Variants in PPP1R2B observed in about 807,000 individuals in gnomAD.
PPP1R2B encodes PPP1R2 family member B.
In PPP1R2B, 13 loss-of-function variants were observed where a neutral mutation model predicts 17.6. That is an observed-to-expected ratio of 0.74 (90% CI 0.48 to 1.17). PPP1R2B has a LOEUF of 1.17. PPP1R2B is among the 50% of genes most tolerant of loss of function. The pLI, the probability that PPP1R2B is intolerant of heterozygous loss-of-function variation, is 0.00. For synonymous variants in PPP1R2B, 105 were observed against 95.4 expected, an observed-to-expected ratio of 1.10 and a Z score of -0.59; for missense variants, 230 against 252.4, an observed-to-expected ratio of 0.91 and a Z score of 0.60.
In PPP1R2B at chr5:156,850,475, T is replaced by A. The variant is rs1758461718; in HGVS notation, c.-88T>A. 1 of 1,484,876 alleles carries A rather than the reference T, an allele frequency of 6.7e-7. No homozygotes were observed. The highest frequency in any genetic ancestry group is 1.4e-5 in the African/African-American group (1 of 71,064). The allele number at this position is 1,484,876 out of a possible 1,614,324, so 92.0% of individuals were successfully genotyped here. A position where few individuals can be genotyped will look rare whatever the true frequency, so the allele number is the denominator to read the frequency against. On this transcript the variant is annotated 5_prime_UTR_variant, in exon 1 of 1. Transcript: ENST00000522232. ...TTTAGCCCTGAGCGGGCTCTGCGGC[T>A]GCCTGCGAGTCTCTGCTGTGCCGAC... is the stretch of plus-strand genomic sequence containing the variant.
rs776287160 is a variant in PPP1R2B, at chr5:156,850,728, T to C, written c.166T>C (p.Tyr56His). Residue 56 changes from tyrosine to histidine, a missense_variant, in exon 1 of 1, where the codon TAT (tyrosine) becomes CAT (histidine). Coordinates refer to ENST00000522232, the MANE Select transcript of PPP1R2B (RefSeq NM_206858.3). Reference sequence around the variant, plus strand: ...GGATGAAATTAACATCTTGGCGACCTATCATCCAGCAGACAAAGGCTATGG... The same window carrying C: ...GGATGAAATTAACATCTTGGCGACCCATCATCCAGCAGACAAAGGCTATGG... ...KWDEINILATYHPADKGYGLM... is the reference protein window; with the variant it reads ...KWDEINILATHHPADKGYGLM... 1.3e-6 allele frequency: 2 copies of C among 1,541,158 alleles called. No individual in the cohort carries two copies. Among genetic ancestry groups the C allele is most frequent in the East Asian group, 2.2e-5 (1 of 44,496 alleles).
rs777548214 is a variant in PPP1R2B, at chr5:156,850,577, G to A, written c.15G>A (p.Thr5=). The A allele has an allele frequency of 5.7e-6, 9 of 1,590,894 alleles. No homozygotes were observed. Among genetic ancestry groups the A allele is most frequent in the South Asian group, 2.3e-5 (2 of 88,368 alleles). The change falls in exon 1 of 1, where the codon ACG becomes ACA. Residue 5 remains threonine (T), a synonymous_variant. Coordinates refer to ENST00000522232, the MANE Select transcript of PPP1R2B (RefSeq NM_206858.3). ...AGCGCCCGGCAATGGCGGCCTCGAC[G>A]GCCTCCCACCGGCCCATCAAGGGGA... The part of the protein sequence containing the change: MAAS[T]ASHRPIKGIL...
At position 156,850,585 on chromosome 5, in the gene PPP1R2B, A is replaced by G; in HGVS notation, c.23A>G (p.His8Arg). The change falls in exon 1 of 1, where the codon CAC becomes CGC. Residue 8 changes from histidine to arginine, a missense_variant. By Grantham distance (29) the His-to-Arg change is conservative. Transcript: ENST00000522232. MAASTAS[H>R]RPIKGILKNK... ...GCAATGGCGGCCTCGACGGCCTCCCACCGGCCCATCAAGGGGATCTTGAAG... is the reference window on the plus strand; with the variant it reads ...GCAATGGCGGCCTCGACGGCCTCCCGCCGGCCCATCAAGGGGATCTTGAAG... The G allele has an allele frequency of 1.3e-6, 2 of 1,592,588 alleles. No homozygotes were observed. Among genetic ancestry groups the G allele is most frequent in the Non-Finnish European group, 1.7e-6 (2 of 1,169,446 alleles).
Position 156,850,560 on chromosome 5 carries a change from G to T in PPP1R2B, c.-3G>T. 6.3e-7 allele frequency: 1 copy of T among 1,585,828 alleles called. No homozygotes were observed. The highest frequency in any genetic ancestry group is 8.6e-7 in the Non-Finnish European group (1 of 1,166,146). ...CCTGAGGCGACAGCCGGAGCGCCCG[G>T]CAATGGCGGCCTCGACGGCCTCCCA... On this transcript the variant is annotated 5_prime_UTR_variant, in exon 1 of 1. Transcript: ENST00000522232.
At position 156,850,904 on chromosome 5, in the gene PPP1R2B, C is replaced by T. The variant is rs779450796; in HGVS notation, c.342C>T (p.Tyr114=). 1 of 1,611,178 alleles carries T rather than the reference C, an allele frequency of 6.2e-7. No homozygotes were observed. The highest frequency in any genetic ancestry group is 1.1e-5 in the South Asian group (1 of 91,000). The change falls in exon 1 of 1, where the codon TAC becomes TAT. Residue 114 remains tyrosine (Y), a synonymous_variant. Coordinates refer to ENST00000522232, the MANE Select transcript of PPP1R2B (RefSeq NM_206858.3). ...LAAAEGLEPK[Y]RIQEQESSGE... ...CTGCTGAAGGCTTGGAGCCAAAGTA[C>T]CGGATTCAGGAACAAGAAAGCAGTG...
At position 156,850,741 on chromosome 5, in the gene PPP1R2B, A is replaced by C. The variant is rs1758468834; in HGVS notation, c.179A>C (p.Asp60Ala). 1 of 1,533,908 alleles carries C rather than the reference A, an allele frequency of 6.5e-7. No individual in the cohort carries two copies. Among genetic ancestry groups the C allele is most frequent in the Admixed American group, 1.7e-5 (1 of 59,908 alleles). Residue 60 changes from aspartate (D) to alanine (A), a missense_variant, in exon 1 of 1, where the codon GAC becomes GCC. Coordinates refer to ENST00000522232, the MANE Select transcript of PPP1R2B (RefSeq NM_206858.3). ...ATCTTGGCGACCTATCATCCAGCAG[A>C]CAAAGGCTATGGTTTAATGAAAATA... ...INILATYHPADKGYGLMKIDE... is the reference protein window; with the variant it reads ...INILATYHPAAKGYGLMKIDE...
chr5:156,850,390 C>G lies in PPP1R2B; in HGVS notation c.-173C>G. ...GCCACCCATTCGGCGTTGGCTCTGG[C>G]GTCGGGGTCGTTGTGACAACCGCTC... On this transcript the variant is annotated 5_prime_UTR_variant, in exon 1 of 1. Coordinates refer to ENST00000522232, the MANE Select transcript of PPP1R2B (RefSeq NM_206858.3). 1.3e-6 allele frequency: 1 copy of G among 753,740 alleles called. No homozygotes were observed. 46.7% of individuals were successfully genotyped at this position (753,740 alleles called of 1,614,324 possible).
chr5:156,850,981 T>C lies in PPP1R2B; in HGVS notation c.419T>C (p.Phe140Ser), dbSNP rs1162707921. 2 of 1,613,612 alleles carry C rather than the reference T, an allele frequency of 1.2e-6. No individual in the cohort carries two copies. The highest frequency in any genetic ancestry group is 1.7e-6 in the Non-Finnish European group (2 of 1,179,636). ...GAAGAACGAGAAAAAAAGCGACAATTTGAAATGAGAAGGAAGCTTCACTAC... is the reference window on the plus strand; with the variant it reads ...GAAGAACGAGAAAAAAAGCGACAATCTGAAATGAGAAGGAAGCTTCACTAC... Reference protein sequence around the residue: ...SPEEREKKRQFEMRRKLHYNE... With the variant: ...SPEEREKKRQSEMRRKLHYNE... The change falls in exon 1 of 1, where the codon TTT becomes TCT. Residue 140 changes from phenylalanine (F) to serine (S), a missense_variant. Transcript: ENST00000522232.
In PPP1R2B at chr5:156,851,392, A is replaced by T; in HGVS notation, c.*212A>T. On this transcript the variant is annotated 3_prime_UTR_variant, in exon 1 of 1. Coordinates refer to ENST00000522232, the MANE Select transcript of PPP1R2B (RefSeq NM_206858.3). ...TCTTATGCCTAGTACTTTACCACAA[A>T]TACAGTGTAATATCATCAGTCCAAA... The T allele has an allele frequency of 1.6e-6, 1 of 606,368 alleles. No individual in the cohort carries two copies. Among genetic ancestry groups the T allele is most frequent in the Non-Finnish European group, 2.9e-6 (1 of 344,086 alleles). The allele number at this position is 606,368 out of a possible 1,614,324, so 37.6% of individuals were successfully genotyped here.
At position 156,851,272 on chromosome 5, in the gene PPP1R2B, G is replaced by A; in HGVS notation, c.*92G>A. 1.0e-6 allele frequency: 1 copy of A among 992,352 alleles called. No individual in the cohort carries two copies. Among genetic ancestry groups the A allele is most frequent in the Non-Finnish European group, 1.6e-6 (1 of 633,008 alleles). 61.5% of individuals were successfully genotyped at this position (992,352 alleles called of 1,614,324 possible). A position where few individuals can be genotyped will look rare whatever the true frequency, so the allele number is the denominator to read the frequency against. The stretch of plus-strand genomic sequence containing the variant: ...TTGTTCTCCACAATTCATGACTTAA[G>A]TACCAAAATGCATACCAGTTATTAT... On this transcript the variant is annotated 3_prime_UTR_variant, in exon 1 of 1. Coordinates refer to ENST00000522232, the MANE Select transcript of PPP1R2B (RefSeq NM_206858.3).
Position 156,852,528 on chromosome 5 carries a change from C to T in PPP1R2B, c.*1348C>T, listed in dbSNP as rs1251669046. ...TCCTTAAACGAAGTGCAGGAAAGCCCTGTGTGTCTTGGTTTGGTTATGGTT... is the reference window on the plus strand; with the variant it reads ...TCCTTAAACGAAGTGCAGGAAAGCCTTGTGTGTCTTGGTTTGGTTATGGTT... On this transcript the variant is annotated 3_prime_UTR_variant, in exon 1 of 1. Coordinates refer to ENST00000522232, the MANE Select transcript of PPP1R2B (RefSeq NM_206858.3). 2.0e-5 allele frequency: 3 copies of T among 152,022 alleles called. No individual in the cohort carries two copies. The highest frequency in any genetic ancestry group is 4.4e-5 in the Non-Finnish European group (3 of 67,930). 9.4% of individuals were successfully genotyped at this position (152,022 alleles called of 1,614,324 possible).
rs748240563 is a variant in PPP1R2B, at chr5:156,851,009, T to C, written c.447T>C (p.Asn149=). The change falls in exon 1 of 1, where the codon AAT becomes AAC. Residue 149 remains asparagine (N), a synonymous_variant. Transcript: ENST00000522232. ...QFEMRRKLHY[N]EGLNIKLARQ... ...AAATGAGAAGGAAGCTTCACTACAA[T>C]GAAGGACTCAATATCAAACTAGCCA... The C allele has an allele frequency of 3.1e-6, 5 of 1,613,424 alleles. No individual in the cohort carries two copies. Among genetic ancestry groups the C allele is most frequent in the Non-Finnish European group, 4.2e-6 (5 of 1,179,558 alleles).
Position 156,852,155 on chromosome 5 carries a change from A to C in PPP1R2B, c.*975A>C, listed in dbSNP as rs542451627. 6.6e-6 allele frequency: 1 copy of C among 152,310 alleles called. No homozygotes were observed. Among genetic ancestry groups the C allele is most frequent in the Admixed American group, 6.5e-5 (1 of 15,298 alleles). The allele number at this position is 152,310 out of a possible 1,614,324, so 9.4% of individuals were successfully genotyped here. ...CTATGAATTCTTCTAATACATGAAG[A>C]AAATAGATTGAGTAGCAGCAGTACT... On this transcript the variant is annotated 3_prime_UTR_variant, in exon 1 of 1. Transcript: ENST00000522232.
Position 156,850,733 on chromosome 5 carries a change from T to A in PPP1R2B, c.171T>A (p.His57Gln). 2 of 1,538,118 alleles carry A rather than the reference T, an allele frequency of 1.3e-6. No individual in the cohort carries two copies. The highest frequency in any genetic ancestry group is 1.8e-6 in the Non-Finnish European group (2 of 1,111,106). Residue 57 changes from histidine to glutamine, a missense_variant, in exon 1 of 1, where the codon CAT (histidine) becomes CAA (glutamine). His to Gln is a conservative substitution (Grantham distance 24). Coordinates refer to ENST00000522232, the MANE Select transcript of PPP1R2B (RefSeq NM_206858.3). ...WDEINILATY[H>Q]PADKGYGLMK... is the part of the protein sequence containing the mutation. ...AAATTAACATCTTGGCGACCTATCA[T>A]CCAGCAGACAAAGGCTATGGTTTAA...
chr5:156,850,774 C>T lies in PPP1R2B; in HGVS notation c.212C>T (p.Pro71Leu). Residue 71 changes from proline to leucine, a missense_variant, in exon 1 of 1, where the codon CCA (proline) becomes CTA (leucine). Pro to Leu is a moderately conservative substitution (Grantham distance 98). Transcript: ENST00000522232. ...KGYGLMKIDE[P>L]SPPYHSMMGD... ...TATGGTTTAATGAAAATAGATGAAC[C>T]AAGCCCTCCTTACCATAGTATGATG... The T allele has an allele frequency of 6.6e-7, 1 of 1,513,802 alleles. No individual in the cohort carries two copies. The highest frequency in any genetic ancestry group is 2.3e-5 in the East Asian group (1 of 44,376). 93.8% of individuals were successfully genotyped at this position (1,513,802 alleles called of 1,614,324 possible).
chr5:156,850,773 C>A lies in PPP1R2B; in HGVS notation c.211C>A (p.Pro71Thr), dbSNP rs575255373. The A allele has an allele frequency of 7.3e-6, 11 of 1,514,036 alleles. No homozygotes were observed. In the East Asian group the frequency reaches 2.5e-4, roughly 34 times the overall value. The allele number at this position is 1,514,036 out of a possible 1,614,324, so 93.8% of individuals were successfully genotyped here. A position where few individuals can be genotyped will look rare whatever the true frequency, so the allele number is the denominator to read the frequency against. The change falls in exon 1 of 1, where the codon CCA becomes ACA. Residue 71 changes from proline (P) to threonine (T), a missense_variant. Transcript: ENST00000522232. ...KGYGLMKIDE[P>T]SPPYHSMMGD... ...CTATGGTTTAATGAAAATAGATGAA[C>A]CAAGCCCTCCTTACCATAGTATGAT...
At position 156,850,816 on chromosome 5, in the gene PPP1R2B, C is replaced by G; in HGVS notation, c.254C>G (p.Ala85Gly). 5 of 1,498,220 alleles carry G rather than the reference C, an allele frequency of 3.3e-6. No homozygotes were observed. The highest frequency in any genetic ancestry group is 4.7e-6 in the Non-Finnish European group (5 of 1,075,106). The allele number at this position is 1,498,220 out of a possible 1,614,324, so 92.8% of individuals were successfully genotyped here. A position where few individuals can be genotyped will look rare whatever the true frequency, so the allele number is the denominator to read the frequency against. ...YHSMMGDDED[A>G]CRDTETTEAM... ...AGTATGATGGGTGATGATGAAGATG[C>G]GTGTAGGGACACCGAGACCACTGAA... The change falls in exon 1 of 1, where the codon GCG (alanine) becomes GGG (glycine). Residue 85 changes from alanine (A) to glycine (G), a missense_variant. By Grantham distance (60) the Ala-to-Gly change is moderately conservative. Transcript: ENST00000522232.
Position 156,850,753 on chromosome 5 carries a change from G to T in PPP1R2B, c.191G>T (p.Gly64Val), listed in dbSNP as rs750359962. Residue 64 changes from glycine (G) to valine (V), a missense_variant, in exon 1 of 1, where the codon GGT (glycine) becomes GTT (valine). Transcript: ENST00000522232. ...TATCATCCAGCAGACAAAGGCTATGGTTTAATGAAAATAGATGAACCAAGC... is the reference window on the plus strand; with the variant it reads ...TATCATCCAGCAGACAAAGGCTATGTTTTAATGAAAATAGATGAACCAAGC... ...ATYHPADKGY[G>V]LMKIDEPSPP... 2.0e-6 allele frequency: 3 copies of T among 1,521,640 alleles called. No homozygotes were observed. Among genetic ancestry groups the T allele is most frequent in the East Asian group, 2.3e-5 (1 of 44,404 alleles). The allele number at this position is 1,521,640 out of a possible 1,614,324, so 94.3% of individuals were successfully genotyped here. A position where few individuals can be genotyped will look rare whatever the true frequency, so the allele number is the denominator to read the frequency against.
rs1758465532 is a variant in PPP1R2B, at chr5:156,850,642, C to T, written c.80C>T (p.Ala27Val). 3 of 1,601,472 alleles carry T rather than the reference C, an allele frequency of 1.9e-6. No homozygotes were observed. Among genetic ancestry groups the T allele is most frequent in the East Asian group, 2.2e-5 (1 of 44,708 alleles). The part of the protein sequence containing the change: ...NKTSTTSSMV[A>V]SAEQPRRSVD... ...ACCTCTACGACTTCCTCTATGGTGG[C>T]GTCGGCCGAACAGCCCCGCAGGAGT... Residue 27 changes from alanine to valine, a missense_variant, in exon 1 of 1, where the codon GCG becomes GTG. By Grantham distance (64) the Ala-to-Val change is moderately conservative (BLOSUM62 0). Coordinates refer to ENST00000522232, the MANE Select transcript of PPP1R2B (RefSeq NM_206858.3).
Sources: allele counts gnomAD v4.1 joint callset, GRCh38; gene constraint gnomAD v4.1.1; transcripts MANE v1.5; gene names NCBI Gene and HGNC (gene_info 2026-07-23, HGNC 2026-07-21).